Variants in CFAP299 observed in about 807,000 individuals in gnomAD.
CFAP299 encodes the protein cilia and flagella associated protein 299.
A neutral mutation model predicts 27.0 loss-of-function variants in CFAP299; 21 were observed. That is an observed-to-expected ratio of 0.78 (90% confidence interval 0.55 to 1.12). The LOEUF is 1.12. CFAP299 is among the 50% of genes most tolerant of loss of function. The pLI, the probability that CFAP299 is intolerant of heterozygous loss-of-function variation, is 0.00. For synonymous variants in CFAP299, 104 were observed against 98.1 expected (o/e 1.06, Z -0.36); for missense variants, 310 against 276.6 (o/e 1.12, Z -0.86).
At chr4:80,799,121 T>A (rs1323804652) in intron 3 of CFAP299, among the ~76,000 whole-genome samples, 12 of 127,636 alleles carry the variant, frequency 9.4e-5, no homozygotes, top group African/African-American at 3.4e-4. Context: ...GTAAATATAT[T>A]TATACAATAT....
chr4:80,516,701 T>A (rs189350434), intron 2 of CFAP299, among the ~76,000 whole-genome samples: 73 of 152,242 alleles, frequency 4.8e-4, no homozygotes, highest in African/African-American at 1.6e-3. Flanking sequence ...AACATGAGAT[T>A]TGGAGAGGAA....
At position 80,727,481 on chromosome 4, in the gene CFAP299, G is replaced by A. The variant is rs571736718; in HGVS notation, c.334-142512G>A. Reference sequence around the variant, plus strand: ...AGCAAATGTATGAAAGCCATGTAAAGGTGGTCAAGAGAAATTAACTCTTGA... The same window carrying A: ...AGCAAATGTATGAAAGCCATGTAAAAGTGGTCAAGAGAAATTAACTCTTGA... On this transcript the variant is annotated intron_variant, in intron 3 of 5. Coordinates refer to ENST00000358105, the MANE Select transcript of CFAP299 (RefSeq NM_152770.3). 2.6e-5 allele frequency among the ~76,000 whole-genome samples: 4 copies of A among 152,064 alleles called. No individual in the cohort carries two copies. In the South Asian group the frequency reaches 8.3e-4, roughly 32 times the overall value.
chr4:80,491,590 G>A (rs980358797), intron 2 of CFAP299, among the ~76,000 whole-genome samples: 1 of 151,886 alleles, frequency 6.6e-6, no homozygotes, highest in Non-Finnish European at 1.5e-5. Flanking sequence ...TCACCAAATG[G>A]TTTAGGTTAA....
chr4:80,861,374 A>G (rs1043119633), intron 3 of CFAP299, among the ~76,000 whole-genome samples: 1 of 152,160 alleles, frequency 6.6e-6, no homozygotes, highest in African/African-American at 2.4e-5. Flanking sequence ...AAGTGAGGCA[A>G]TGCCTCACCC....
chr4:80,578,082 A>G (rs1389076306), intron 2 of CFAP299, among the ~76,000 whole-genome samples: 1 of 152,228 alleles, frequency 6.6e-6, no homozygotes, highest in Non-Finnish European at 1.5e-5. Flanking sequence ...ACTCATCCAT[A>G]TAACTTTTAC....
At chr4:80,324,921 G>T in the CFAP299 span, among the ~76,000 whole-genome samples, 1 of 152,264 alleles carries the variant, frequency 6.6e-6, no homozygotes, top group African/African-American at 2.4e-5. Context: ...TCAGGAGTTT[G>T]AGACCAGCCT....
chr4:80,882,941 A>C (rs1189142492), intron 4 of CFAP299, among the ~76,000 whole-genome samples: 1 of 152,176 alleles, frequency 6.6e-6, no homozygotes, highest in Non-Finnish European at 1.5e-5. Context: ...GGACACAAAT[A>C]GATGCTGATT....
At chr4:80,792,076 CTT>C (rs1190953391) in intron 3 of CFAP299, among the ~76,000 whole-genome samples, 1 of 151,860 alleles carries the variant, frequency 6.6e-6, no homozygotes, top group East Asian at 1.9e-4. Context: ...CTATATATGA[CTT>C]TGTGTCTGTA....
intron 3 of CFAP299, among the ~76,000 whole-genome samples, chr4:80,634,380 G>T (rs1214691371): frequency 6.6e-6 from 1 of 152,064 alleles, no homozygotes; most frequent in Non-Finnish European, 1.5e-5. Context: ...AACTTCTTCG[G>T]CAATTTACTT....
At chr4:80,496,783 G>T (rs955904766) in intron 2 of CFAP299, among the ~76,000 whole-genome samples, 2 of 152,230 alleles carry the variant, frequency 1.3e-5, no homozygotes, top group South Asian at 2.1e-4. Flanking sequence ...CATTCCACAG[G>T]CTATACAGGA....
intron 2 of CFAP299, among the ~76,000 whole-genome samples, chr4:80,439,436 G>T (rs911057523): frequency 3.3e-5 from 5 of 152,182 alleles, no homozygotes; most frequent in Non-Finnish European, 7.3e-5. Context: ...CACCCGGGAA[G>T]CTCAAGGGCT....
intron 2 of CFAP299, among the ~76,000 whole-genome samples, chr4:80,386,012 A>G (rs1306593865): frequency 2.6e-5 from 4 of 152,226 alleles, no homozygotes; most frequent in African/African-American, 9.6e-5. Context: ...GAGAGGGGAC[A>G]CCGGAAGGCG....
intron 4 of CFAP299, among the ~76,000 whole-genome samples, chr4:80,902,282 G>T (rs1016962171): frequency 6.7e-6 from 1 of 149,126 alleles, no homozygotes; most frequent in Middle Eastern, 3.3e-3. Context: ...GCACAGAATG[G>T]CTCCTGTTTC....
intron 3 of CFAP299, among the ~76,000 whole-genome samples, chr4:80,855,403 T>C (rs1360504505): frequency 4.0e-5 from 6 of 151,884 alleles, no homozygotes; most frequent in Non-Finnish European, 8.8e-5. Flanking sequence ...TTTTTATTTA[T>C]TTATTTATTT....
At chr4:80,329,715 A>G in the CFAP299 span, among the ~76,000 whole-genome samples, 1 of 152,002 alleles carries the variant, frequency 6.6e-6, no homozygotes, top group African/African-American at 2.4e-5. Context: ...ATATCTGCTT[A>G]GTTGTGACTG....
intron 3 of CFAP299, among the ~76,000 whole-genome samples, chr4:80,659,245 A>G (rs1290836376): frequency 6.6e-6 from 1 of 152,076 alleles, no homozygotes; most frequent in Non-Finnish European, 1.5e-5. Flanking sequence ...AGATGAAATT[A>G]TTCAACAAAA....
At chr4:80,756,584 A>G (rs1260206734) in intron 3 of CFAP299, among the ~76,000 whole-genome samples, 1 of 152,156 alleles carries the variant, frequency 6.6e-6, no homozygotes, top group African/African-American at 2.4e-5. Context: ...ACAAAAGAAT[A>G]ACAATATTTT....
Position 80,870,117 on chromosome 4 carries a change from C to T in CFAP299, c.458C>T (p.Pro153Leu). 6.2e-7 allele frequency: 1 copy of T among 1,612,012 alleles called. No homozygotes were observed. Among genetic ancestry groups the T allele is most frequent in the Non-Finnish European group, 8.5e-7 (1 of 1,179,262 alleles). The change falls in exon 4 of 6, where the codon CCA becomes CTA. Residue 153 changes from proline to leucine, a missense_variant. Transcript: ENST00000358105. The part of the protein sequence containing the change: ...VYFTGKKRLL[P>L]RPTDISFYNW... ...TTTACTGGAAAAAAAAGACTTCTTCCAAGGCCTACAGATATAAGGTAAATT... is the reference window on the plus strand; with the variant it reads ...TTTACTGGAAAAAAAAGACTTCTTCTAAGGCCTACAGATATAAGGTAAATT...
Position 80,817,819 on chromosome 4 carries a change from T to C in CFAP299, c.334-52174T>C, listed in dbSNP as rs181599356. 4.0e-3 allele frequency among the ~76,000 whole-genome samples: 605 copies of C among 152,104 alleles called. 5 individuals carry two copies. Among genetic ancestry groups the C allele is most frequent in the South Asian group, 7.9e-3 (38 of 4,826 alleles). On this transcript the variant is annotated intron_variant, in intron 3 of 5. Coordinates refer to ENST00000358105, the MANE Select transcript of CFAP299 (RefSeq NM_152770.3). The stretch of plus-strand genomic sequence containing the variant: ...GCATTATTTTCTTCTAATGCTCTTA[T>C]AGTTTTCTTTTTTTTTTTCTTCAAC...
Sources: allele counts gnomAD v4.1 joint callset (sites outside exome capture counted in the v4.1 genomes callset), GRCh38; gene constraint gnomAD v4.1.1; transcripts MANE v1.5; gene names NCBI Gene and HGNC (gene_info 2026-07-23, HGNC 2026-07-21).